Variants in LRRC8C observed in about 807,000 individuals in gnomAD.
The protein encoded by LRRC8C is volume-regulated anion channel subunit LRRC8C.
In LRRC8C, 20 loss-of-function variants were observed where a neutral mutation model predicts 55.3. The observed-to-expected ratio is 0.36, with a 90% CI of 0.25 to 0.53. The LOEUF is 0.53. Among genes scored for constraint, LRRC8C ranks in the 20% least tolerant of loss-of-function variants. The pLI is 0.92. For missense variants in LRRC8C, 659 were observed against 951.4 expected, an observed-to-expected ratio of 0.69 and a Z score of 4.04; for synonymous variants, 376 against 360.7, an observed-to-expected ratio of 1.04 and a Z score of -0.48.
chr1:89,653,008 T>C (rs201106968), intron 1 of LRRC8C, among the ~76,000 whole-genome samples: 1 of 152,018 alleles, frequency 6.6e-6, no homozygotes, highest in East Asian at 1.9e-4. Context: ...CTCTGAACAA[T>C]AGGGAGAGTG....
chr1:89,689,348 G>T (rs12064617), intron 2 of LRRC8C, among the ~76,000 whole-genome samples: 1 of 152,172 alleles, frequency 6.6e-6, no homozygotes, highest in South Asian at 2.1e-4. Context: ...GCCAGATCAC[G>T]TAGGGCCTTC....
At chr1:89,702,969 C>T (rs769473506) in intron 2 of LRRC8C, among the ~76,000 whole-genome samples, 15 of 152,220 alleles carry the variant, frequency 9.9e-5, no homozygotes, top group African/African-American at 1.7e-4. Context: ...TCAAAACACA[C>T]GCTCATGAAA....
chr1:89,629,869 T>C (rs1194505283), upstream of LRRC8C: 1 of 152,216 alleles, frequency 6.6e-6, no homozygotes, highest in Non-Finnish European at 1.5e-5. Flanking sequence ...TTTTAAATTA[T>C]GCCTTCAGGC....
rs576179665 is a variant in LRRC8C, at chr1:89,714,164, A to T, written c.1594A>T (p.Asn532Tyr). Residue 532 changes from asparagine (N) to tyrosine (Y), a missense_variant, in exon 3 of 3, where the codon AAT becomes TAT. This residue lies in a region of LRRC8C where 344 missense variants were observed against 464.6 expected (regional missense o/e 0.74). Transcript: ENST00000370454. This position sits in a 1 kb window ranked among gnomAD's most constrained non-coding sequence, Gnocchi z 4.6. ...VGSLSHDISR[N>Y]VTLESLRDLK... ...CTCTCTAAGTCATGATATTTCCAGA[A>T]ATGTCACCCTTGAGTCTCTGCGGGA... The T allele has an allele frequency of 6.2e-7, 1 of 1,614,166 alleles. No homozygotes were observed. The highest frequency in any genetic ancestry group is 2.2e-5 in the East Asian group (1 of 44,888).
intron 1 of LRRC8C, among the ~76,000 whole-genome samples, chr1:89,672,631 T>C (rs150691969): frequency 1.3e-5 from 2 of 152,276 alleles, no homozygotes; most frequent in Non-Finnish European, 2.9e-5. Flanking sequence ...CAAGGATACA[T>C]TAAGATCCTA....
At chr1:89,624,204 A>T in the LRRC8C span, among the ~76,000 whole-genome samples, 1 of 152,210 alleles carries the variant, frequency 6.6e-6, no homozygotes, top group African/African-American at 2.4e-5. Flanking sequence ...GAAAAACATT[A>T]TCTTTATTAT....
chr1:89,644,376 A>G (rs537073617), intron 1 of LRRC8C, among the ~76,000 whole-genome samples: 3 of 152,248 alleles, frequency 2.0e-5, no homozygotes, highest in African/African-American at 7.2e-5. Context: ...GGGTTTTACC[A>G]TGTTGCCTAC....
intron 1 of LRRC8C, among the ~76,000 whole-genome samples, chr1:89,675,186 AAAAAACAAAAAAAC>A (rs1444200044): frequency 6.6e-6 from 1 of 152,036 alleles, no homozygotes; most frequent in Admixed American, 6.5e-5. Flanking sequence ...GTTCAACTCA[AAAAAACAAAAAAAC>A]AAAAACAAAA....
At position 89,717,320 on chromosome 1, in the gene LRRC8C, A is replaced by AAAATC. The variant is rs1291213980; in HGVS notation, c.*2340_*2344dup. ...CTTCAAAAGGGATCTCTTCAGGTTA[A>AAAATC]AAATCACGCTTATGCTGAAGTCTTT... is the stretch of plus-strand genomic sequence containing the variant. On this transcript the variant is annotated 3_prime_UTR_variant, in exon 3 of 3. Coordinates refer to ENST00000370454, the MANE Select transcript of LRRC8C (RefSeq NM_032270.5). The AAAATC allele has an allele frequency of 6.6e-6, 1 of 152,176 alleles. No homozygotes were observed. Among genetic ancestry groups the AAAATC allele is most frequent in the African/African-American group, 2.4e-5 (1 of 41,436 alleles). 9.4% of individuals were successfully genotyped at this position (152,176 alleles called of 1,614,324 possible).
At chr1:89,704,986 T>C (rs950873286) in intron 2 of LRRC8C, among the ~76,000 whole-genome samples, 13 of 151,862 alleles carry the variant, frequency 8.6e-5, no homozygotes, top group Admixed American at 2.6e-4. Context: ...ATGTTTATTG[T>C]GGCACTATTC....
chr1:89,644,601 A>G (rs146451681), intron 1 of LRRC8C, among the ~76,000 whole-genome samples: 56 of 152,382 alleles, frequency 3.7e-4, no homozygotes, highest in South Asian at 1.0e-3. Context: ...GTCTACAGCT[A>G]CTAACTCTCA....
At chr1:89,694,157 G>A (rs12026153) in intron 2 of LRRC8C, among the ~76,000 whole-genome samples, 1 of 151,972 alleles carries the variant, frequency 6.6e-6, no homozygotes, top group Non-Finnish European at 1.5e-5. Flanking sequence ...ATATGCCTTA[G>A]TTGGGACCTT....
the LRRC8C span, among the ~76,000 whole-genome samples, chr1:89,625,925 A>G: frequency 2.7e-4 from 41 of 152,324 alleles, no homozygotes; most frequent in East Asian, 5.4e-3. Context: ...TTATGAAAAG[A>G]CTGAAAAATT....
chr1:89,704,782 G>A (rs915865526), intron 2 of LRRC8C, among the ~76,000 whole-genome samples: 1 of 152,148 alleles, frequency 6.6e-6, no homozygotes, highest in Non-Finnish European at 1.5e-5. Flanking sequence ...AACAGGTACT[G>A]GAGAGGATGT....
intron 2 of LRRC8C, among the ~76,000 whole-genome samples, chr1:89,699,654 A>T (rs187803225): frequency 1.7e-4 from 26 of 152,334 alleles, no homozygotes; most frequent in Non-Finnish European, 3.7e-4. Flanking sequence ...TGTTGGAGAC[A>T]AGGACGGTGT....
intron 1 of LRRC8C, among the ~76,000 whole-genome samples, chr1:89,668,518 T>C (rs1657330610): frequency 6.6e-6 from 1 of 152,220 alleles, no homozygotes; most frequent in African/African-American, 2.4e-5. Context: ...GTCACAAATA[T>C]GATTGCCCTG....
At chr1:89,624,906 C>G in the LRRC8C span, 10 of 152,154 alleles carry the variant, frequency 6.6e-5, 1 homozygote, top group Non-Finnish European at 7.3e-5. Context: ...CATATTAATA[C>G]GCATTGTGAA....
chr1:89,700,881 C>G (rs151292658), intron 2 of LRRC8C, among the ~76,000 whole-genome samples: 1 of 152,332 alleles, frequency 6.6e-6, no homozygotes, highest in East Asian at 1.9e-4. Context: ...AAGACACAAT[C>G]TAAAGACTAC....
At chr1:89,620,017 C>A in the LRRC8C span, among the ~76,000 whole-genome samples, 73 of 152,248 alleles carry the variant, frequency 4.8e-4, 1 homozygote, top group South Asian at 2.3e-3. Context: ...ATACCTTAGA[C>A]TGAATAATTT....
Sources: gnomAD v4.1 joint callset for allele counts (sites outside exome capture counted in the v4.1 genomes callset) on GRCh38, gnomAD v4.1.1 for gene constraint, gnomAD v4.1.1 regional missense constraint, Gnocchi (gnomAD v3.1) non-coding constraint, MANE v1.5 for transcripts, NCBI Gene and HGNC (gene_info 2026-07-23, HGNC 2026-07-21) for gene names.